The following CNTNAP5 variants were observed in gnomAD, a reference collection of about 807,000 sequenced individuals.
The protein encoded by CNTNAP5 is contactin-associated protein-like 5.
In CNTNAP5, 72 loss-of-function variants were observed where a neutral mutation model predicts 150.2. That is an observed-to-expected ratio of 0.48 (90% confidence interval 0.40 to 0.58). CNTNAP5 has a LOEUF of 0.58. Ranked by LOEUF, CNTNAP5 falls within the 20% of genes least tolerant of loss-of-function variation. The pLI, the probability that CNTNAP5 is intolerant of heterozygous loss-of-function variation, is 0.00. For synonymous variants in CNTNAP5, 672 were observed against 619.8 expected (o/e 1.08, Z -1.25); for missense variants, 1,636 against 1,626.2 (o/e 1.01, Z -0.10).
chr2:124,529,096 G>A (rs1695046105), intron 10 of CNTNAP5, among the ~76,000 whole-genome samples: 1 of 149,174 alleles, frequency 6.7e-6, no homozygotes. Context: ...TGAAAAAGTA[G>A]TAATAAAATA....
intron 1 of CNTNAP5, among the ~76,000 whole-genome samples, chr2:124,202,332 G>T (rs1685747997): frequency 6.6e-6 from 1 of 152,146 alleles, no homozygotes; most frequent in Non-Finnish European, 1.5e-5. Flanking sequence ...GAGTGTCATA[G>T]CAGCCCCAAT....
At chr2:124,103,992 G>A (rs1683119152) in intron 1 of CNTNAP5, among the ~76,000 whole-genome samples, 1 of 146,478 alleles carries the variant, frequency 6.8e-6, no homozygotes, top group African/African-American at 2.5e-5. Flanking sequence ...TATATGTACT[G>A]CATATGAATT....
At chr2:124,850,001 T>A (rs1208602189) in intron 19 of CNTNAP5, among the ~76,000 whole-genome samples, 1 of 152,148 alleles carries the variant, frequency 6.6e-6, no homozygotes, top group Non-Finnish European at 1.5e-5. Context: ...GGCCCATATT[T>A]AAATGTCCAA....
At chr2:124,155,687 T>A (rs1441063066) in intron 1 of CNTNAP5, among the ~76,000 whole-genome samples, 1 of 152,220 alleles carries the variant, frequency 6.6e-6, no homozygotes, top group East Asian at 1.9e-4. Flanking sequence ...TAGATATATA[T>A]TTAACATGCA....
intron 11 of CNTNAP5, among the ~76,000 whole-genome samples, chr2:124,588,066 T>C (rs1696579820): frequency 6.6e-6 from 1 of 151,878 alleles, no homozygotes; most frequent in Non-Finnish European, 1.5e-5. Flanking sequence ...CAAAGTTTCC[T>C]TTCCCTTCCC....
chr2:124,863,985 C>CAA (rs1237708997), intron 19 of CNTNAP5, among the ~76,000 whole-genome samples: 1 of 152,086 alleles, frequency 6.6e-6, no homozygotes, highest in Non-Finnish European at 1.5e-5. Context: ...GAGCTCCTGC[C>CAA]ATTTTGTGTG....
intron 19 of CNTNAP5, among the ~76,000 whole-genome samples, chr2:124,849,769 C>T (rs1036751479): frequency 1.3e-5 from 2 of 152,194 alleles, no homozygotes; most frequent in East Asian, 1.9e-4. Context: ...AGGACAAGTT[C>T]TTAACAATGA....
chr2:124,180,614 T>C (rs957370199), intron 1 of CNTNAP5, among the ~76,000 whole-genome samples: 4 of 152,190 alleles, frequency 2.6e-5, no homozygotes, highest in African/African-American at 9.7e-5. Flanking sequence ...AAATTGCATA[T>C]AAATTCAAGA....
At chr2:124,572,334 G>C (rs1696184879) in intron 11 of CNTNAP5, among the ~76,000 whole-genome samples, 1 of 152,034 alleles carries the variant, frequency 6.6e-6, no homozygotes, top group African/African-American at 2.4e-5. Context: ...GGAGGAGTGA[G>C]AGAAGCAGAA....
intron 12 of CNTNAP5, among the ~76,000 whole-genome samples, chr2:124,633,238 T>G (rs1261994537): frequency 2.6e-5 from 4 of 152,144 alleles, no homozygotes; most frequent in African/African-American, 4.8e-5. Flanking sequence ...GTGTCTCACT[T>G]GAGACAAGGC....
chr2:124,720,384 T>G (rs1680025433), intron 13 of CNTNAP5, among the ~76,000 whole-genome samples: 1 of 152,194 alleles, frequency 6.6e-6, no homozygotes, highest in African/African-American at 2.4e-5. Context: ...GTTCCCTTTT[T>G]CCCAGTTGAA....
intron 14 of CNTNAP5, among the ~76,000 whole-genome samples, chr2:124,756,408 A>G (rs1680840786): frequency 6.6e-6 from 1 of 152,232 alleles, no homozygotes; most frequent in African/African-American, 2.4e-5. Context: ...CAATTCCATT[A>G]CTGGGCGTAT....
intron 13 of CNTNAP5, among the ~76,000 whole-genome samples, chr2:124,685,723 C>T (rs1679177942): frequency 6.7e-6 from 1 of 149,094 alleles, no homozygotes; most frequent in African/African-American, 2.5e-5. Flanking sequence ...TCTGTAGACA[C>T]CCAATATCTA....
chr2:124,484,640 CAT>C (rs753903832), intron 7 of CNTNAP5, among the ~76,000 whole-genome samples: 2 of 152,178 alleles, frequency 1.3e-5, no homozygotes. Flanking sequence ...TTTCTTCTCA[CAT>C]GTTCCCCATG....
In CNTNAP5 at chr2:124,494,856, C is replaced by G. The variant is rs964584179; in HGVS notation, c.1063-9436C>G. Among the ~76,000 whole-genome samples the G allele has an allele frequency of 2.0e-5, 3 of 152,252 alleles. No homozygotes were observed. In the South Asian group the frequency reaches 6.2e-4, roughly 32 times the overall value. ...AATTACTGATCCTGAATATTTTTGT[C>G]ATGAAAGCCTTCAAATAAATTCACA... On this transcript the variant is annotated intron_variant, in intron 7 of 23. Coordinates refer to ENST00000682447, the MANE Select transcript of CNTNAP5 (RefSeq NM_001367498.1).
intron 7 of CNTNAP5, among the ~76,000 whole-genome samples, chr2:124,501,480 T>A (rs539053793): frequency 6.6e-6 from 1 of 152,336 alleles, no homozygotes; most frequent in East Asian, 1.9e-4. Context: ...CCATTTGCCA[T>A]GTCTCCTTTG....
At chr2:124,860,136 G>A (rs1677481774) in intron 19 of CNTNAP5, among the ~76,000 whole-genome samples, 1 of 151,130 alleles carries the variant, frequency 6.6e-6, no homozygotes, top group African/African-American at 2.4e-5. Context: ...TGGATCATGA[G>A]GTCAGGAGAT....
intron 14 of CNTNAP5, among the ~76,000 whole-genome samples, chr2:124,761,018 TACATACA>T (rs1179484000): frequency 1.3e-5 from 2 of 152,106 alleles, no homozygotes; most frequent in Non-Finnish European, 2.9e-5. Context: ...GCTTTCTTAC[TACATACA>T]ACACAATCAT....
chr2:124,284,638 A>G (rs1416362090), intron 3 of CNTNAP5, among the ~76,000 whole-genome samples: 1 of 152,180 alleles, frequency 6.6e-6, no homozygotes, highest in East Asian at 1.9e-4. Context: ...TTTAAAAAAG[A>G]AAAAAGAACC....
Sources: allele counts gnomAD v4.1 joint callset (sites outside exome capture counted in the v4.1 genomes callset), GRCh38; gene constraint gnomAD v4.1.1; transcripts MANE v1.5; gene names NCBI Gene and HGNC (gene_info 2026-07-23, HGNC 2026-07-21).